Variants in ANTXR1 observed in about 807,000 individuals in gnomAD.
ANTXR1 encodes anthrax toxin receptor 1.
Under a neutral mutation model 78.1 loss-of-function variants are expected in ANTXR1, and 19 were observed. The observed-to-expected ratio is 0.24, with a 90% CI of 0.17 to 0.36. The LOEUF (loss-of-function observed/expected upper bound fraction) is 0.36. Ranked by LOEUF, ANTXR1 falls within the 10% of genes least tolerant of loss-of-function variation. The pLI, the probability that ANTXR1 is intolerant of heterozygous loss-of-function variation, is 1.00. For synonymous variants in ANTXR1, 273 were observed against 260.5 expected (o/e 1.05, Z -0.46); for missense variants, 518 against 718.6 (o/e 0.72, Z 3.19).
rs1408825876 is a variant in ANTXR1 at position 69,245,375 on chromosome 2, C to A, written c.1585C>A (p.Pro529Thr). Residue 529 changes from proline (P) to threonine (T), a missense_variant, in exon 18 of 18, where the codon CCT becomes ACT. This residue lies in a region of ANTXR1 where 192 missense variants were observed against 230.2 expected (regional missense o/e 0.83). Coordinates refer to ENST00000303714, the MANE Select transcript of ANTXR1 (RefSeq NM_032208.3). ...CTGCCCTCCCCCGCCCCCCAGCGCC[C>A]CTACCCCTCCCATCCCGTCCCCACC... ...PHCPPPPPSAPTPPIPSPPST... is the reference protein window; with the variant it reads ...PHCPPPPPSATTPPIPSPPST... 2.0e-6 allele frequency: 3 copies of A among 1,510,756 alleles called. No homozygotes were observed. The African/African-American group carries it at 4.4e-5, about 22-fold the overall frequency. 93.6% of individuals were successfully genotyped at this position (1,510,756 alleles called of 1,614,324 possible). A position where few individuals can be genotyped will look rare whatever the true frequency, so the allele number is the denominator to read the frequency against.
chr2:69,151,126 A>G (rs1673380012), intron 12 of ANTXR1, among the ~76,000 whole-genome samples: 1 of 151,272 alleles, frequency 6.6e-6, no homozygotes, highest in Admixed American at 6.6e-5. Context: ...CCAATTGTTA[A>G]CCATTTATGT....
chr2:69,131,979 G>C (rs756264644), intron 12 of ANTXR1, among the ~76,000 whole-genome samples: 2 of 152,218 alleles, frequency 1.3e-5, no homozygotes, highest in Non-Finnish European at 2.9e-5. Context: ...CTGGGGTGCA[G>C]ACTTGGTAGA....
At chr2:69,101,231 T>A (rs940239007) in intron 9 of ANTXR1, among the ~76,000 whole-genome samples, 1 of 152,210 alleles carries the variant, frequency 6.6e-6, no homozygotes, top group African/African-American at 2.4e-5. Context: ...CAAACCTGCC[T>A]AAAATTAAAA....
At chr2:69,101,665 A>G (rs1671624342) in intron 9 of ANTXR1, among the ~76,000 whole-genome samples, 1 of 152,216 alleles carries the variant, frequency 6.6e-6, no homozygotes, top group South Asian at 2.1e-4. Flanking sequence ...CCCATATACT[A>G]ATTCTCTAAT....
chr2:69,085,184 C>T (rs1671013349), intron 8 of ANTXR1, among the ~76,000 whole-genome samples: 1 of 152,160 alleles, frequency 6.6e-6, no homozygotes, highest in Admixed American at 6.5e-5. Flanking sequence ...ATCCAATGTG[C>T]TTTCTGCCAT....
chr2:69,225,505 A>T (rs1675424344), intron 17 of ANTXR1, among the ~76,000 whole-genome samples: 1 of 152,178 alleles, frequency 6.6e-6, no homozygotes, highest in Non-Finnish European at 1.5e-5. Flanking sequence ...TAAATAATTT[A>T]AAAATACATA....
At chr2:69,240,854 G>C (rs1573999123) in intron 17 of ANTXR1, among the ~76,000 whole-genome samples, 1 of 152,154 alleles carries the variant, frequency 6.6e-6, no homozygotes, top group South Asian at 2.1e-4. Context: ...ATAACTGACA[G>C]AGTTTTGATG....
intron 13 of ANTXR1, among the ~76,000 whole-genome samples, chr2:69,166,819 T>A (rs1180301488): frequency 6.6e-6 from 1 of 152,256 alleles, no homozygotes; most frequent in Non-Finnish European, 1.5e-5. Flanking sequence ...TGATTCTAGC[T>A]TGCATTCTAG....
intron 14 of ANTXR1, among the ~76,000 whole-genome samples, chr2:69,177,232 A>T (rs754860291): frequency 6.6e-5 from 10 of 152,160 alleles, no homozygotes; most frequent in Non-Finnish European, 1.2e-4. Flanking sequence ...ACATTAAGGG[A>T]TGGGTAGAAG....
intron 6 of ANTXR1, among the ~76,000 whole-genome samples, 185 bp from the exon 7 acceptor site, chr2:69,075,405 T>C (rs1670698559): frequency 6.6e-6 from 1 of 152,190 alleles, no homozygotes; most frequent in Admixed American, 6.5e-5. Flanking sequence ...CCATGTGTTA[T>C]GTTAGAATGT....
At chr2:69,148,420 A>G (rs1036108848) in intron 12 of ANTXR1, among the ~76,000 whole-genome samples, 1 of 152,188 alleles carries the variant, frequency 6.6e-6, no homozygotes, top group Non-Finnish European at 1.5e-5. Flanking sequence ...GCACTTGGCT[A>G]CTTGCTGAGA....
chr2:69,246,555 T>A lies in ANTXR1; in HGVS notation c.*1070T>A, dbSNP rs1475225563. The A allele has an allele frequency of 6.6e-6, 1 of 152,192 alleles. No homozygotes were observed. Among genetic ancestry groups the A allele is most frequent in the Non-Finnish European group, 1.5e-5 (1 of 68,038 alleles). 9.4% of individuals were successfully genotyped at this position (152,192 alleles called of 1,614,324 possible). On this transcript the variant is annotated 3_prime_UTR_variant, in exon 18 of 18. Transcript: ENST00000303714. Reference sequence around the variant, plus strand: ...GAGCTGAGAGACAATGGTCCTGACATAATAAGGATCTTTGATTAACCCCCA... The same window carrying A: ...GAGCTGAGAGACAATGGTCCTGACAAAATAAGGATCTTTGATTAACCCCCA...
intron 14 of ANTXR1, among the ~76,000 whole-genome samples, chr2:69,181,240 A>G (rs1205726090): frequency 1.3e-5 from 2 of 152,178 alleles, no homozygotes; most frequent in Non-Finnish European, 1.5e-5. Context: ...AGAAGTCAAC[A>G]GATTTTAGAT....
chr2:69,016,865 C>T (rs1012725005), intron 1 of ANTXR1, among the ~76,000 whole-genome samples: 2 of 152,180 alleles, frequency 1.3e-5, no homozygotes, highest in African/African-American at 4.8e-5. Flanking sequence ...GTGCTCACTT[C>T]CAAGCCCCTT....
chr2:69,025,416 G>T (rs951330489), intron 1 of ANTXR1, among the ~76,000 whole-genome samples: 4 of 152,122 alleles, frequency 2.6e-5, no homozygotes, highest in African/African-American at 9.7e-5. Context: ...GTTTCATCCA[G>T]TGACCTGACC....
At chr2:69,140,711 A>G (rs1673047046) in intron 12 of ANTXR1, among the ~76,000 whole-genome samples, 1 of 152,336 alleles carries the variant, frequency 6.6e-6, no homozygotes, top group East Asian at 1.9e-4. Flanking sequence ...CACTGGAGGT[A>G]GTCTCCAATC....
At chr2:69,055,884 T>A (rs1358039559) in intron 3 of ANTXR1, among the ~76,000 whole-genome samples, 7 of 151,458 alleles carry the variant, frequency 4.6e-5, no homozygotes, top group Non-Finnish European at 7.3e-5. Flanking sequence ...GGTTTCCAAT[T>A]TGGGCTCCAC....
intron 13 of ANTXR1, among the ~76,000 whole-genome samples, chr2:69,155,594 GATC>G (rs1026434346): frequency 2.0e-5 from 3 of 152,116 alleles, no homozygotes; most frequent in African/African-American, 7.2e-5. Context: ...AACAGAAAAG[GATC>G]ATTTTTTTAA....
At chr2:69,023,713 G>T (rs1273083627) in intron 1 of ANTXR1, among the ~76,000 whole-genome samples, 2 of 152,158 alleles carry the variant, frequency 1.3e-5, no homozygotes, top group African/African-American at 4.8e-5. Flanking sequence ...TAAAACAAGT[G>T]CCAAGTCTCA....
Sources: gnomAD v4.1 joint callset for allele counts (sites outside exome capture counted in the v4.1 genomes callset) on GRCh38, gnomAD v4.1.1 for gene constraint, gnomAD v4.1.1 regional missense constraint, MANE v1.5 for transcripts, NCBI Gene and HGNC (gene_info 2026-07-23, HGNC 2026-07-21) for gene names.